The following MYO6 variants were observed in gnomAD, a reference collection of about 807,000 sequenced individuals.
MYO6 encodes unconventional myosin-VI.
Under a neutral mutation model 178.7 loss-of-function variants are expected in MYO6, and 74 were observed. The observed-to-expected ratio is 0.41, with a 90% confidence interval of 0.34 to 0.50. The LOEUF is 0.50. MYO6 is among the 20% of genes least tolerant of loss of function. MYO6 has a pLI of 0.09. For missense variants in MYO6, 1,330 were observed against 1,547.4 expected (o/e 0.86, Z 2.36); for synonymous variants, 477 against 504.6 (o/e 0.95, Z 0.73).
At chr6:75,864,187 T>C (rs988274621) in intron 16 of MYO6, among the ~76,000 whole-genome samples, 1 of 152,210 alleles carries the variant, frequency 6.6e-6, no homozygotes, top group Non-Finnish European at 1.5e-5. Flanking sequence ...GTATATTATT[T>C]TGAGATTGTA....
chr6:75,894,830 G>A (rs915751548), intron 28 of MYO6: 2 of 1,519,384 alleles, frequency 1.3e-6, no homozygotes, highest in Non-Finnish European at 1.8e-6. Context: ...TTCCTATCCG[G>A]TAACTTCTAA....
chr6:75,919,277 C>T lies in MYO6; in HGVS notation c.*4265C>T, dbSNP rs1781303669. On this transcript the variant is annotated 3_prime_UTR_variant, in exon 35 of 35. Coordinates refer to ENST00000369977, the MANE Select transcript of MYO6 (RefSeq NM_004999.4). The stretch of plus-strand genomic sequence containing the variant: ...ATCCCTAAACCTTTTCTCAGCCTCC[C>T]ACTTTCTGGAGTCTCCAATGTCGGT... The T allele has an allele frequency of 6.6e-6, 1 of 152,184 alleles. No individual in the cohort carries two copies. Among genetic ancestry groups the T allele is most frequent in the African/African-American group, 2.4e-5 (1 of 41,414 alleles). 9.4% of individuals were successfully genotyped at this position (152,184 alleles called of 1,614,324 possible).
At chr6:75,856,745 T>C (rs78012934) in intron 12 of MYO6, among the ~76,000 whole-genome samples, 2 of 152,298 alleles carry the variant, frequency 1.3e-5, no homozygotes, top group East Asian at 3.9e-4. Flanking sequence ...TTACCAAACT[T>C]TAAAGTTATC....
intron 1 of MYO6, among the ~76,000 whole-genome samples, chr6:75,815,657 C>A (rs1771159237): frequency 6.6e-6 from 1 of 152,200 alleles, no homozygotes; most frequent in Non-Finnish European, 1.5e-5. Flanking sequence ...GAAAGCAACT[C>A]ACTTTGTAGC....
chr6:75,887,074 A>C, intron 25 of MYO6, 80 bp downstream of exon 25: 1 of 1,391,666 alleles, frequency 7.2e-7, no homozygotes, highest in Non-Finnish European at 1.0e-6. Context: ...ATTGTATAGA[A>C]AACGTCCTTA....
intron 1 of MYO6, among the ~76,000 whole-genome samples, chr6:75,756,724 A>G (rs922470546): frequency 6.6e-6 from 1 of 151,976 alleles, no homozygotes; most frequent in African/African-American, 2.4e-5. Flanking sequence ...TCACTGTGTC[A>G]CCTCAGTGGT....
At chr6:75,849,491 A>G (rs1775053555) in intron 11 of MYO6, among the ~76,000 whole-genome samples, 1 of 152,150 alleles carries the variant, frequency 6.6e-6, no homozygotes, top group African/African-American at 2.4e-5. Flanking sequence ...CATGAGAAGG[A>G]CTTTTAAAGT....
At chr6:75,898,661 T>G (rs778936196) in intron 30 of MYO6, among the ~76,000 whole-genome samples, 1 of 152,162 alleles carries the variant, frequency 6.6e-6, no homozygotes, top group Non-Finnish European at 1.5e-5. Context: ...CCCTTGGCAG[T>G]GGAACTCTAC....
rs530573748 is a variant in MYO6, at chr6:75,811,934, A to T, written c.-47-5567A>T. Among the ~76,000 whole-genome samples the T allele has an allele frequency of 2.0e-5, 3 of 152,332 alleles. No homozygotes were observed. In the South Asian group the frequency reaches 6.2e-4, roughly 32 times the overall value. On this transcript the variant is annotated intron_variant, in intron 1 of 34. Coordinates refer to ENST00000369977, the MANE Select transcript of MYO6 (RefSeq NM_004999.4). ...CCATATGGATAAGGACAAAGATAAA[A>T]ATCGAAGAGGTTAAATAACTTACTT...
At chr6:75,877,262 C>T (rs979391300) in intron 20 of MYO6, among the ~76,000 whole-genome samples, 8 of 151,288 alleles carry the variant, frequency 5.3e-5, no homozygotes, top group African/African-American at 7.3e-5. Flanking sequence ...CATGAGCCAC[C>T]GCGCCTCGTC....
chr6:75,884,438 A>G (rs994868438), intron 23 of MYO6, among the ~76,000 whole-genome samples: 9 of 152,244 alleles, frequency 5.9e-5, no homozygotes, highest in Non-Finnish European at 8.8e-5. Context: ...GCAGTGTAGC[A>G]TACTAAGGAA....
At chr6:75,845,739 C>T (rs1774672606) in intron 10 of MYO6, among the ~76,000 whole-genome samples, 1 of 151,938 alleles carries the variant, frequency 6.6e-6, no homozygotes, top group African/African-American at 2.4e-5. Context: ...AATCCCAGCA[C>T]TTTGGGAGGC....
In MYO6 at chr6:75,916,673, C is replaced by T. The variant is rs1282356752; in HGVS notation, c.*1661C>T. On this transcript the variant is annotated 3_prime_UTR_variant, in exon 35 of 35. Transcript: ENST00000369977. Reference sequence around the variant, plus strand: ...GGATAGTGAATGATAAGCTTTTTTCCTAACCAGTAGTGAGTAAAGTTCTTG... The same window carrying T: ...GGATAGTGAATGATAAGCTTTTTTCTTAACCAGTAGTGAGTAAAGTTCTTG... 1 of 152,416 alleles carries T rather than the reference C, an allele frequency of 6.6e-6. No individual in the cohort carries two copies. The highest frequency in any genetic ancestry group is 2.4e-5 in the African/African-American group (1 of 41,384). The allele number at this position is 152,416 out of a possible 1,614,324, so 9.4% of individuals were successfully genotyped here.
intron 1 of MYO6, among the ~76,000 whole-genome samples, chr6:75,752,828 G>C (rs1777013992): frequency 6.6e-6 from 1 of 152,164 alleles, no homozygotes; most frequent in African/African-American, 2.4e-5. Context: ...TTAAACATAT[G>C]TATGTGTTTA....
In MYO6 at chr6:75,918,092, A is replaced by G. The variant is rs1487822293; in HGVS notation, c.*3080A>G. The G allele has an allele frequency of 1.3e-5, 2 of 152,244 alleles. No individual in the cohort carries two copies. Among genetic ancestry groups the G allele is most frequent in the African/African-American group, 4.8e-5 (2 of 41,472 alleles). The allele number at this position is 152,244 out of a possible 1,614,324, so 9.4% of individuals were successfully genotyped here. A position where few individuals can be genotyped will look rare whatever the true frequency, so the allele number is the denominator to read the frequency against. ...GCTGCAATCATATGTAACAAAAAGA[A>G]CCAAAACAAACACTTTTTAGTGGCA... On this transcript the variant is annotated 3_prime_UTR_variant, in exon 35 of 35. Coordinates refer to ENST00000369977, the MANE Select transcript of MYO6 (RefSeq NM_004999.4).
chr6:75,788,619 G>A lies in MYO6; in HGVS notation c.-47-28882G>A, dbSNP rs182882795. Among the ~76,000 whole-genome samples, 22 of 152,292 alleles carry A rather than the reference G, an allele frequency of 1.4e-4. 1 individual carries two copies. The highest frequency in any genetic ancestry group is 1.4e-3 in the Admixed American group (21 of 15,290). ...ATACCAGCTAATTTTTGTATTTTTGGTAGAGAAGGTGTTTCACCATGTTGG... is the reference window on the plus strand; with the variant it reads ...ATACCAGCTAATTTTTGTATTTTTGATAGAGAAGGTGTTTCACCATGTTGG... On this transcript the variant is annotated intron_variant, in intron 1 of 34. Coordinates refer to ENST00000369977, the MANE Select transcript of MYO6 (RefSeq NM_004999.4).
chr6:75,860,929 C>A (rs1776147720), intron 14 of MYO6, 94 bp from the exon 15 acceptor site: 3 of 965,718 alleles, frequency 3.1e-6, no homozygotes, highest in East Asian at 4.8e-5. Flanking sequence ...TAAACCTTTG[C>A]ATTCTAATTA....
intron 16 of MYO6, 90 bp downstream of exon 16, chr6:75,862,813 G>T: frequency 1.4e-6 from 2 of 1,466,422 alleles, no homozygotes; most frequent in Admixed American, 3.4e-5. Flanking sequence ...TAGATAATTA[G>T]AATAAAAATT....
intron 25 of MYO6, among the ~76,000 whole-genome samples, chr6:75,888,280 T>C (rs183394566): frequency 3.8e-4 from 58 of 151,218 alleles, no homozygotes; most frequent in African/African-American, 1.4e-3. Context: ...AGACTACGTC[T>C]AAAAATAAAT....
Sources: gnomAD v4.1 joint callset for allele counts (sites outside exome capture counted in the v4.1 genomes callset) on GRCh38, gnomAD v4.1.1 for gene constraint, MANE v1.5 for transcripts, NCBI Gene and HGNC (gene_info 2026-07-23, HGNC 2026-07-21) for gene names.